Variants in AEBP2 observed in about 807,000 individuals in gnomAD.
The protein encoded by AEBP2 is zinc finger protein AEBP2.
Under a neutral mutation model 50.8 loss-of-function variants are expected in AEBP2, and 10 were observed. The observed-to-expected ratio is 0.20, with a 90% confidence interval of 0.12 to 0.33. The LOEUF (loss-of-function observed/expected upper bound fraction) is 0.33. AEBP2 is among the 10% of genes least tolerant of loss of function. The pLI is 1.00. For missense variants in AEBP2, 570 were observed against 688.0 expected, an observed-to-expected ratio of 0.83 and a Z score of 1.92; for synonymous variants, 296 against 261.3, an observed-to-expected ratio of 1.13 and a Z score of -1.28.
chr12:19,519,869 C>T lies in AEBP2; in HGVS notation c.*1752C>T, dbSNP rs1044271123. ...ATTAAGTGAAGTGCAAATAAAAGCA[C>T]TGCTACTATAAGACATTCTGGAATG... On this transcript the variant is annotated 3_prime_UTR_variant, in exon 8 of 8. Coordinates refer to ENST00000266508, the MANE Select transcript of AEBP2 (RefSeq NM_153207.5). The T allele has an allele frequency of 2.0e-5, 3 of 152,314 alleles. No homozygotes were observed. Among genetic ancestry groups the T allele is most frequent in the Admixed American group, 6.5e-5 (1 of 15,270 alleles). The allele number at this position is 152,314 out of a possible 1,614,324, so 9.4% of individuals were successfully genotyped here. A position where few individuals can be genotyped will look rare whatever the true frequency, so the allele number is the denominator to read the frequency against.
intron 2 of AEBP2, among the ~76,000 whole-genome samples, chr12:19,470,449 A>G (rs186550287): frequency 3.9e-5 from 6 of 152,274 alleles, no homozygotes; most frequent in Admixed American, 1.3e-4. Context: ...GAGCCATTAC[A>G]CCAGGCCTTT....
At chr12:19,473,667 A>G (rs892126625) in intron 3 of AEBP2, among the ~76,000 whole-genome samples, 1 of 152,140 alleles carries the variant, frequency 6.6e-6, no homozygotes, top group African/African-American at 2.4e-5. Context: ...TGGCCACCCA[A>G]AGTGCTGGGA....
intron 2 of AEBP2, among the ~76,000 whole-genome samples, chr12:19,465,791 CTTTTTT>C (rs11284427): frequency 9.3e-6 from 1 of 107,684 alleles, no homozygotes; most frequent in African/African-American, 3.6e-5. Flanking sequence ...ATTGTTTTTT[CTTTTTT>C]TTTTTTTTTT....
At chr12:19,471,131 T>C (rs947207750) in intron 2 of AEBP2, among the ~76,000 whole-genome samples, 6 of 152,160 alleles carry the variant, frequency 3.9e-5, no homozygotes, top group Non-Finnish European at 8.8e-5. Context: ...TTTTTTTTTC[T>C]TGAGAGATGA....
At chr12:19,449,898 C>T (rs1291718899) in intron 1 of AEBP2, among the ~76,000 whole-genome samples, 1 of 152,138 alleles carries the variant, frequency 6.6e-6, no homozygotes, top group Non-Finnish European at 1.5e-5. Flanking sequence ...TGGGAGTTTA[C>T]TCTGAATAGA....
Position 19,456,491 on chromosome 12 carries a change from G to A in AEBP2, c.672-6019G>A. ...CATCTTCCAGCTTTTTACCAACATG[G>A]CGATCCATCTTTTCCTTCAGCTCAG... is the stretch of plus-strand genomic sequence containing the variant. On this transcript the variant is annotated intron_variant, in intron 1 of 7. Transcript: ENST00000266508. 3.3e-6 allele frequency: 5 copies of A among 1,496,160 alleles called. No individual in the cohort carries two copies. In the South Asian group the frequency reaches 5.7e-5, roughly 17 times the overall value. The allele number at this position is 1,496,160 out of a possible 1,614,324, so 92.7% of individuals were successfully genotyped here.
chr12:19,510,192 C>T (rs1949213793), intron 5 of AEBP2, among the ~76,000 whole-genome samples: 1 of 152,050 alleles, frequency 6.6e-6, no homozygotes, highest in South Asian at 2.1e-4. Flanking sequence ...GGGTTAGTAC[C>T]TAAGGTAGAG....
intron 1 of AEBP2, among the ~76,000 whole-genome samples, chr12:19,426,720 A>G (rs1376719947): frequency 2.0e-5 from 3 of 152,104 alleles, no homozygotes; most frequent in African/African-American, 7.2e-5. Context: ...CCTGGCCAAC[A>G]TGGTGAAACC....
At chr12:19,486,442 A>G (rs1948811105) in intron 3 of AEBP2, among the ~76,000 whole-genome samples, 1 of 151,760 alleles carries the variant, frequency 6.6e-6, no homozygotes, top group Non-Finnish European at 1.5e-5. Context: ...CCAATGTTGG[A>G]GTACAGTGGC....
chr12:19,411,986 G>A (rs760766902), intron 1 of AEBP2, among the ~76,000 whole-genome samples: 18 of 152,376 alleles, frequency 1.2e-4, no homozygotes, highest in Non-Finnish European at 1.8e-4. Flanking sequence ...CATCACCCAC[G>A]TGAAAGGCAT....
At chr12:19,447,187 G>C (rs1223567877) in intron 1 of AEBP2, among the ~76,000 whole-genome samples, 1 of 152,188 alleles carries the variant, frequency 6.6e-6, no homozygotes, top group African/African-American at 2.4e-5. Context: ...GCCAACACAA[G>C]TGTGTACGTC....
chr12:19,457,279 C>T (rs7966663), intron 1 of AEBP2: 361,378 of 1,570,962 alleles, frequency 0.23, 44,639 homozygotes, highest in African/African-American at 0.48. Context: ...TTCACCAACA[C>T]TGGCAGCAAC....
At chr12:19,499,291 G>A (rs1949031887) in intron 4 of AEBP2, among the ~76,000 whole-genome samples, 1 of 152,028 alleles carries the variant, frequency 6.6e-6, no homozygotes, top group African/African-American at 2.4e-5. Flanking sequence ...TCAAATAGTT[G>A]TTCATAATCA....
At chr12:19,424,312 CAG>C (rs1565697356) in intron 1 of AEBP2, among the ~76,000 whole-genome samples, 1 of 152,038 alleles carries the variant, frequency 6.6e-6, no homozygotes, top group Admixed American at 6.6e-5. Flanking sequence ...GTACAGAGGA[CAG>C]TGTTGAACAC....
At chr12:19,457,252 G>C in intron 1 of AEBP2, 1 of 1,595,120 alleles carries the variant, frequency 6.3e-7, no homozygotes, top group South Asian at 1.1e-5. Context: ...TCCATTCTTG[G>C]AGATACCAGC....
At chr12:19,424,870 A>G (rs1007061618) in intron 1 of AEBP2, among the ~76,000 whole-genome samples, 7 of 151,700 alleles carry the variant, frequency 4.6e-5, no homozygotes, top group Non-Finnish European at 1.0e-4. Context: ...TTAGCCAGGC[A>G]TGGTTGTGTG....
At chr12:19,492,088 C>T (rs11044607) in intron 3 of AEBP2, among the ~76,000 whole-genome samples, 3,238 of 152,002 alleles carry the variant, frequency 0.021, 42 homozygotes, top group East Asian at 0.043. Flanking sequence ...CAAGATGAAC[C>T]GCCTGGGGAT....
At chr12:19,414,962 C>A (rs1461700828) in intron 1 of AEBP2, among the ~76,000 whole-genome samples, 4 of 150,146 alleles carry the variant, frequency 2.7e-5, no homozygotes, top group Non-Finnish European at 5.9e-5. Flanking sequence ...TCCCAGAGAA[C>A]CTTCAGGGTC....
intron 3 of AEBP2, among the ~76,000 whole-genome samples, chr12:19,479,716 GGTTTTT>G: frequency 3.3e-5 from 1 of 29,928 alleles, no homozygotes; most frequent in African/African-American, 1.1e-4. Context: ...CCTCTTTGTG[GGTTTTT>G]TTTTTTTTTT....
Sources: gnomAD v4.1 joint callset for allele counts (sites outside exome capture counted in the v4.1 genomes callset) on GRCh38, gnomAD v4.1.1 for gene constraint, MANE v1.5 for transcripts, NCBI Gene and HGNC (gene_info 2026-07-23, HGNC 2026-07-21) for gene names.